The following GPX6 variants were observed in gnomAD, a reference collection of about 807,000 sequenced individuals.
The protein encoded by GPX6 is glutathione peroxidase 6, also known as glutathione peroxidase 6 (olfactory).
GPX6 carries 21 observed loss-of-function variants against 20.0 expected under a neutral mutation model. That is an observed-to-expected ratio of 1.05 (90% confidence interval 0.74 to 1.51). GPX6 has a LOEUF of 1.51. Among genes scored for constraint, GPX6 ranks in the 40% most tolerant of loss-of-function variants. GPX6 has a pLI of 0.00. For missense variants in GPX6, 233 were observed against 254.7 expected (o/e 0.91, Z 0.58); for synonymous variants, 75 against 98.0 (o/e 0.77, Z 1.38).
intron 4 of GPX6, among the ~76,000 whole-genome samples, 196 bp from the exon 5 acceptor site, chr6:28,504,694 C>T (rs1762791181): frequency 6.6e-6 from 1 of 152,046 alleles, no homozygotes; most frequent in South Asian, 2.1e-4. Flanking sequence ...ACCAAATAAC[C>T]GAGAGTTAGA....
intron 1 of GPX6, among the ~76,000 whole-genome samples, chr6:28,511,649 C>G (rs1762877615): frequency 6.6e-6 from 1 of 152,254 alleles, no homozygotes; most frequent in Non-Finnish European, 1.5e-5. Context: ...GAGCAATGCA[C>G]CATCGTGGTG....
intron 1 of GPX6, among the ~76,000 whole-genome samples, chr6:28,512,938 A>G (rs1350927384): frequency 6.6e-6 from 1 of 152,158 alleles, no homozygotes; most frequent in Non-Finnish European, 1.5e-5. Flanking sequence ...ACAAACTCTG[A>G]ACACATCCGA....
chr6:28,510,664 C>G (rs192836809), intron 2 of GPX6, 87 bp downstream of exon 2: 1 of 1,374,950 alleles, frequency 7.3e-7, no homozygotes, highest in Non-Finnish European at 1.0e-6. Flanking sequence ...TCGCATCCTC[C>G]AATAACACAT....
At chr6:28,505,947 G>T in intron 3 of GPX6, 145 bp from the exon 4 acceptor site, 1 of 656,466 alleles carries the variant, frequency 1.5e-6, no homozygotes, top group Non-Finnish European at 2.7e-6. Flanking sequence ...ATAGTCTGTG[G>T]GAAGCAGGAT....
chr6:28,515,224 T>A (rs1015411781), intron 1 of GPX6, among the ~76,000 whole-genome samples: 2 of 152,106 alleles, frequency 1.3e-5, no homozygotes, highest in African/African-American at 2.4e-5. Flanking sequence ...TCCCTCTGGG[T>A]TTCTGGCTGA....
rs747632454 is a variant in GPX6 at position 28,504,517 on chromosome 6, A to G, written c.460-19T>C. Reference sequence around the variant, plus strand: ...AGGAGTTCTGGAGCAGAGATATAGAAAGTAGAGATATACATTTATTTCTAC... The same window carrying G: ...AGGAGTTCTGGAGCAGAGATATAGAGAGTAGAGATATACATTTATTTCTAC... On this transcript the variant is annotated intron_variant, in intron 4 of 4. Coordinates refer to ENST00000361902, the MANE Select transcript of GPX6 (RefSeq NM_182701.1). The G allele has an allele frequency of 1.5e-5, 24 of 1,603,894 alleles. No individual in the cohort carries two copies. The South Asian group carries it at 2.5e-4, about 17-fold the overall frequency.
intron 1 of GPX6, among the ~76,000 whole-genome samples, chr6:28,512,651 C>G (rs1301932755): frequency 1.3e-5 from 2 of 152,182 alleles, no homozygotes; most frequent in Non-Finnish European, 2.9e-5. Context: ...GGTCCCCTTC[C>G]ACACTGTGGG....
intron 4 of GPX6, among the ~76,000 whole-genome samples, chr6:28,504,739 C>G (rs73740963): frequency 0.018 from 2,719 of 152,212 alleles, 71 homozygotes; most frequent in African/African-American, 0.055. Context: ...TTCCTCCTTT[C>G]CCTGTCTTTC....
chr6:28,508,844 T>G (rs1438782869), intron 2 of GPX6, among the ~76,000 whole-genome samples: 1 of 152,064 alleles, frequency 6.6e-6, no homozygotes, highest in East Asian at 1.9e-4. Flanking sequence ...CCCAAATTAT[T>G]TTAAATGTGT....
intron 2 of GPX6, among the ~76,000 whole-genome samples, chr6:28,508,885 C>T (rs1762833750): frequency 6.6e-6 from 1 of 152,088 alleles, no homozygotes; most frequent in Non-Finnish European, 1.5e-5. Flanking sequence ...CTTTTGAGAG[C>T]ATCTTTTTAT....
At chr6:28,511,608 G>A (rs1305498412) in intron 1 of GPX6, among the ~76,000 whole-genome samples, 1 of 152,250 alleles carries the variant, frequency 6.6e-6, no homozygotes, top group African/African-American at 2.4e-5. Flanking sequence ...GCACATCAGC[G>A]GAGGAACACA....
chr6:28,513,375 T>TTAAG (rs567004373), intron 1 of GPX6, among the ~76,000 whole-genome samples: 50 of 152,302 alleles, frequency 3.3e-4, no homozygotes, highest in Middle Eastern at 6.8e-3. Flanking sequence ...AGACACTGCC[T>TTAAG]TAAGGTTGGA....
At chr6:28,515,620 T>C (rs1375682678) in intron 1 of GPX6, 37 bp downstream of exon 1, 2 of 1,549,792 alleles carry the variant, frequency 1.3e-6, no homozygotes. Flanking sequence ...GGTCATCACG[T>C]GCTGGAATCA....
chr6:28,513,335 C>G (rs1437144927), intron 1 of GPX6, among the ~76,000 whole-genome samples: 1 of 152,200 alleles, frequency 6.6e-6, no homozygotes, highest in Non-Finnish European at 1.5e-5. Flanking sequence ...CACACGCCCA[C>G]TGGGGCTTCA....
intron 1 of GPX6, among the ~76,000 whole-genome samples, chr6:28,512,723 G>T (rs1247856272): frequency 6.6e-6 from 1 of 152,148 alleles, no homozygotes; most frequent in East Asian, 1.9e-4. Flanking sequence ...GGTCCACACT[G>T]CCTTTACAAG....
chr6:28,511,090 T>G (rs775879724), intron 1 of GPX6, among the ~76,000 whole-genome samples, 186 bp from the exon 2 acceptor site: 2 of 152,200 alleles, frequency 1.3e-5, no homozygotes, highest in Non-Finnish European at 2.9e-5. Context: ...GTCTTCTAAA[T>G]TACAAGCCAT....
At position 28,506,355 on chromosome 6, in the gene GPX6, T is replaced by A. The variant is rs1244339630; in HGVS notation, c.316A>T (p.Lys106Ter). ...TCTGAGTTTGTTCCTGGTTCTTGTT[T>A]TCCAAACTGGTTGCAGGGAAAGGCC... ...VLAFPCNQFGKQEPGTNSEIL... is the reference protein window; with the variant it reads ...VLAFPCNQFG Residue 106 changes from lysine (K) to a stop codon, truncating the protein, a stop_gained, in exon 3 of 5, where the codon AAA becomes TAA. Transcript: ENST00000361902. LOFTEE classifies it high-confidence loss of function. The A allele has an allele frequency of 3.1e-6, 5 of 1,613,812 alleles. No individual in the cohort carries two copies. The highest frequency in any genetic ancestry group is 3.4e-6 in the Non-Finnish European group (4 of 1,179,842).
chr6:28,513,571 C>G (rs890074102), intron 1 of GPX6, among the ~76,000 whole-genome samples: 2 of 152,142 alleles, frequency 1.3e-5, no homozygotes, highest in African/African-American at 4.8e-5. Context: ...TGTGGTGAAA[C>G]AGCCTGAACT....
chr6:28,514,959 A>G (rs921211259), intron 1 of GPX6, among the ~76,000 whole-genome samples: 2 of 152,152 alleles, frequency 1.3e-5, no homozygotes, highest in African/African-American at 2.4e-5. Flanking sequence ...AGGGGTGACT[A>G]TGGACATCCA....
Sources: allele counts gnomAD v4.1 joint callset (sites outside exome capture counted in the v4.1 genomes callset), GRCh38; gene constraint gnomAD v4.1.1; transcripts MANE v1.5; gene names NCBI Gene and HGNC (gene_info 2026-07-23, HGNC 2026-07-21).